Variants in LRRC7 observed in about 807,000 individuals in gnomAD.
The protein encoded by LRRC7 is leucine rich repeat containing 7, also known as leucine-rich repeat-containing protein 7.
LRRC7 carries 23 observed loss-of-function variants against 175.7 expected under a neutral mutation model. That is an observed-to-expected ratio of 0.13 (90% CI 0.09 to 0.19). LRRC7 has a LOEUF of 0.19. LRRC7 is among the 10% of genes least tolerant of loss of function. The pLI is 1.00. For missense variants in LRRC7, 1,354 were observed against 1,904.7 expected, an observed-to-expected ratio of 0.71 and a Z score of 5.38; for synonymous variants, 685 against 680.9, an observed-to-expected ratio of 1.01 and a Z score of -0.09.
intron 7 of LRRC7, among the ~76,000 whole-genome samples, chr1:69,861,116 ATAAT>A (rs919082507): frequency 2.0e-5 from 3 of 152,084 alleles, no homozygotes; most frequent in South Asian, 2.1e-4. Context: ...CATATATGAA[ATAAT>A]TAGTTATAAA....
At chr1:69,975,758 G>T (rs995515380) in intron 8 of LRRC7, among the ~76,000 whole-genome samples, 15 of 151,948 alleles carry the variant, frequency 9.9e-5, no homozygotes, top group African/African-American at 3.4e-4. Flanking sequence ...CTTCCACCAT[G>T]CCAACTTACA....
intron 4 of LRRC7, among the ~76,000 whole-genome samples, chr1:69,793,258 A>G (rs1230056030): frequency 6.6e-6 from 1 of 152,156 alleles, no homozygotes; most frequent in African/African-American, 2.4e-5. Context: ...AGAAGGATGC[A>G]ATCCAATCTT....
chr1:69,965,618 A>T lies in LRRC7; in HGVS notation c.712-14761A>T, dbSNP rs192755721. On this transcript the variant is annotated intron_variant, in intron 8 of 26. Transcript: ENST00000651989. ...CCAAATTTGAGTAATTAAATTTTTT[A>T]AAAAATTTTAAAAATTTATGAACAT... is the stretch of plus-strand genomic sequence containing the variant. Among the ~76,000 whole-genome samples the T allele has an allele frequency of 3.8e-3, 571 of 152,222 alleles. 2 individuals are homozygous for T. Among genetic ancestry groups the T allele is most frequent in the African/African-American group, 0.012 (486 of 41,568 alleles).
chr1:69,712,562 G>A (rs141476797), intron 2 of LRRC7, among the ~76,000 whole-genome samples: 1,677 of 152,196 alleles, frequency 0.011, 33 homozygotes, highest in African/African-American at 0.038. Context: ...CCAAGATTGC[G>A]CCATTGCACT....
intron 7 of LRRC7, among the ~76,000 whole-genome samples, chr1:69,909,482 C>T (rs909157414): frequency 9.9e-5 from 15 of 152,140 alleles, no homozygotes; most frequent in Admixed American, 5.2e-4. Flanking sequence ...ACAAAATCTG[C>T]CAGCATTTGC....
intron 1 of LRRC7, among the ~76,000 whole-genome samples, chr1:69,633,353 A>T (rs1014408598): frequency 1.3e-5 from 2 of 152,052 alleles, no homozygotes; most frequent in African/African-American, 4.8e-5. Flanking sequence ...TTTTATCAAA[A>T]TTATATTACT....
At chr1:69,812,519 A>C (rs1217005554) in intron 4 of LRRC7, among the ~76,000 whole-genome samples, 1 of 152,106 alleles carries the variant, frequency 6.6e-6, no homozygotes, top group African/African-American at 2.4e-5. Flanking sequence ...AGGTATACTA[A>C]TATCTGACTT....
Position 69,578,365 on chromosome 1 carries a change from C to A in LRRC7, c.2+9724C>A, listed in dbSNP as rs532174537. On this transcript the variant is annotated intron_variant, in intron 1 of 26. Coordinates refer to ENST00000651989, the MANE Select transcript of LRRC7 (RefSeq NM_001370785.2). ...GGTGGGACTGTAAACTAGTTCAACC[C>A]TTGTGGAAGTCAGTGTGGCGATTCC... Among the ~76,000 whole-genome samples the A allele has an allele frequency of 8.9e-4, 133 of 148,622 alleles. 1 individual carries two copies. In the South Asian group the frequency reaches 0.011, roughly 12 times the overall value.
chr1:70,001,390 T>C (rs1017230533), intron 11 of LRRC7, among the ~76,000 whole-genome samples: 1 of 152,184 alleles, frequency 6.6e-6, no homozygotes, highest in African/African-American at 2.4e-5. Flanking sequence ...ATAGAGAAAT[T>C]ATGCAAGTGA....
At chr1:69,594,867 CTGTT>C (rs1646776380) in intron 1 of LRRC7, among the ~76,000 whole-genome samples, 1 of 152,056 alleles carries the variant, frequency 6.6e-6, no homozygotes, top group Non-Finnish European at 1.5e-5. Context: ...ACTTTGTTAC[CTGTT>C]TGTTTGGCTG....
intron 7 of LRRC7, among the ~76,000 whole-genome samples, chr1:69,853,270 C>CTTTCTTTTTTTTTT (rs1489314628): frequency 5.7e-5 from 5 of 88,016 alleles, no homozygotes; most frequent in East Asian, 3.6e-4. Flanking sequence ...TCCTTTCTTT[C>CTTTCTTTTTTTTTT]TTTTTTTTTT....
chr1:70,076,842 T>C (rs1244586349), intron 24 of LRRC7, among the ~76,000 whole-genome samples: 1 of 152,200 alleles, frequency 6.6e-6, no homozygotes, highest in Non-Finnish European at 1.5e-5. Context: ...ATAACTGCCA[T>C]GTAGCAAAAA....
At chr1:69,781,411 G>A (rs1176666804) in intron 3 of LRRC7, among the ~76,000 whole-genome samples, 1 of 151,826 alleles carries the variant, frequency 6.6e-6, no homozygotes, top group Non-Finnish European at 1.5e-5. Flanking sequence ...GCTGGGCATG[G>A]TGTCTCTTGC....
intron 2 of LRRC7, among the ~76,000 whole-genome samples, chr1:69,736,394 G>A (rs1429051666): frequency 2.6e-5 from 4 of 151,918 alleles, no homozygotes; most frequent in Non-Finnish European, 5.9e-5. Context: ...TCTATTTTTA[G>A]CTTTTTACAC....
At position 69,649,051 on chromosome 1, in the gene LRRC7, C is replaced by T. The variant is rs1298086021; in HGVS notation, c.3-29330C>T. Among the ~76,000 whole-genome samples, 3 of 152,174 alleles carry T rather than the reference C, an allele frequency of 2.0e-5. 1 individual carries two copies. Among genetic ancestry groups the T allele is most frequent in the Non-Finnish European group, 4.4e-5 (3 of 68,032 alleles). On this transcript the variant is annotated intron_variant, in intron 1 of 26. Transcript: ENST00000651989. ...TAAAGATTTATTAAACATTACGATG[C>T]AGTTTTTCAAGATTTCCCATTCTCT...
chr1:69,910,856 T>C (rs1399855526), intron 7 of LRRC7, among the ~76,000 whole-genome samples: 1 of 152,178 alleles, frequency 6.6e-6, no homozygotes, highest in East Asian at 1.9e-4. Context: ...CCACCCAGTT[T>C]GAGCTTCCTG....
chr1:69,900,335 A>G (rs1023639070), intron 7 of LRRC7, among the ~76,000 whole-genome samples: 2 of 152,162 alleles, frequency 1.3e-5, no homozygotes, highest in African/African-American at 4.8e-5. Context: ...TTATCATAAA[A>G]CCCAGAATCT....
intron 1 of LRRC7, among the ~76,000 whole-genome samples, chr1:69,645,957 A>T (rs1440389531): frequency 2.6e-5 from 4 of 152,134 alleles, no homozygotes; most frequent in Non-Finnish European, 5.9e-5. Flanking sequence ...CAAAGGCCAT[A>T]TTGTATTAAG....
chr1:70,031,718 A>G (rs1035571731), intron 18 of LRRC7, among the ~76,000 whole-genome samples: 21 of 152,170 alleles, frequency 1.4e-4, no homozygotes, highest in African/African-American at 4.3e-4. Flanking sequence ...ATTTCTGTTT[A>G]TCATTGATTT....
Sources: allele counts gnomAD v4.1 joint callset (sites outside exome capture counted in the v4.1 genomes callset), GRCh38; gene constraint gnomAD v4.1.1; transcripts MANE v1.5; gene names NCBI Gene and HGNC (gene_info 2026-07-23, HGNC 2026-07-21).